TNS3: variants seen among roughly 807,000 people sequenced by gnomAD.
TNS3 encodes tensin 3.
TNS3 carries 45 observed loss-of-function variants against 140.9 expected under a neutral mutation model. That is an observed-to-expected ratio of 0.32 (90% CI 0.25 to 0.41). The LOEUF (loss-of-function observed/expected upper bound fraction) is 0.41, where lower values mean the gene tolerates loss of function less well. TNS3 is among the 10% of genes least tolerant of loss of function. The probability of loss-of-function intolerance (pLI) is 1.00; values close to 1 mark genes in which losing one functional copy is unlikely to be tolerated. For missense variants in TNS3, 1,716 were observed against 1,906.7 expected, an observed-to-expected ratio of 0.90 and a Z score of 1.86; for synonymous variants, 815 against 788.4, an observed-to-expected ratio of 1.03 and a Z score of -0.56.
At chr7:47,526,422 A>G (rs1158371090) in intron 2 of TNS3, among the ~76,000 whole-genome samples, 1 of 152,212 alleles carries the variant, frequency 6.6e-6, no homozygotes, top group African/African-American at 2.4e-5. Flanking sequence ...GGTTCCCTTC[A>G]GAGCAATCCT....
intron 13 of TNS3, among the ~76,000 whole-genome samples, chr7:47,404,030 C>T (rs78859629): frequency 0.13 from 20,541 of 152,188 alleles, 1,582 homozygotes; most frequent in African/African-American, 0.19. Flanking sequence ...ACCTGGGTCT[C>T]CCCAGAGTGT....
intron 17 of TNS3, among the ~76,000 whole-genome samples, chr7:47,348,769 C>G (rs1467032061): frequency 1.3e-5 from 2 of 152,202 alleles, no homozygotes; most frequent in African/African-American, 4.8e-5. Flanking sequence ...ACTCTGATCT[C>G]AGGCCTGAGG....
chr7:47,299,010 G>A (rs1786222110), intron 23 of TNS3, among the ~76,000 whole-genome samples: 1 of 152,236 alleles, frequency 6.6e-6, no homozygotes, highest in South Asian at 2.1e-4. Flanking sequence ...AGGGACCCAG[G>A]GCTGGGTGGG....
chr7:47,508,861 A>G lies in TNS3; in HGVS notation c.-152-1917T>C, dbSNP rs117734723. 3.7e-4 allele frequency among the ~76,000 whole-genome samples: 56 copies of G among 152,252 alleles called. No homozygotes were observed. In the East Asian group the frequency reaches 0.01, roughly 28 times the overall value. On this transcript the variant is annotated intron_variant, in intron 2 of 30. Coordinates refer to ENST00000311160, the MANE Select transcript of TNS3 (RefSeq NM_022748.12). Reference sequence around the variant, plus strand: ...GCCCTGTGGAGAGGCCCCCATGGAGAGGAACTGAGGCTTCCCACAAACAGC... The same window carrying G: ...GCCCTGTGGAGAGGCCCCCATGGAGGGGAACTGAGGCTTCCCACAAACAGC...
chr7:47,323,829 C>T (rs939977319), intron 20 of TNS3, among the ~76,000 whole-genome samples: 1 of 151,986 alleles, frequency 6.6e-6, no homozygotes, highest in Non-Finnish European at 1.5e-5. Context: ...GGGATATACT[C>T]AAAAATACTA....
chr7:47,522,015 C>T (rs193004122), intron 2 of TNS3, among the ~76,000 whole-genome samples: 1 of 152,232 alleles, frequency 6.6e-6, no homozygotes, highest in Non-Finnish European at 1.5e-5. Context: ...GGCCCAGCCT[C>T]CAGGAAGAAG....
intron 3 of TNS3, among the ~76,000 whole-genome samples, chr7:47,495,627 A>C (rs1797978465): frequency 6.6e-6 from 1 of 152,142 alleles, no homozygotes; most frequent in African/African-American, 2.4e-5. Context: ...ACAAGATCCC[A>C]CTGGGAACCT....
chr7:47,370,513 G>A (rs1375963867), intron 16 of TNS3, among the ~76,000 whole-genome samples: 1 of 152,230 alleles, frequency 6.6e-6, no homozygotes. Context: ...AGTGTGGGCA[G>A]GAAGGGCTGA....
intron 28 of TNS3, among the ~76,000 whole-genome samples, chr7:47,281,252 C>T (rs1562753908): frequency 1.3e-5 from 2 of 152,230 alleles, no homozygotes; most frequent in Non-Finnish European, 2.9e-5. Flanking sequence ...ACCTGACAGC[C>T]CTTAGTCACT....
intron 4 of TNS3, among the ~76,000 whole-genome samples, chr7:47,465,986 A>G (rs995330029): frequency 6.6e-6 from 1 of 151,984 alleles, no homozygotes; most frequent in African/African-American, 2.4e-5. Context: ...GAACATTTTA[A>G]TACATAGAAC....
chr7:47,488,324 T>C (rs913892560), intron 3 of TNS3, among the ~76,000 whole-genome samples: 24 of 152,162 alleles, frequency 1.6e-4, no homozygotes, highest in African/African-American at 5.8e-4. Context: ...TAAGCAACAG[T>C]CTTAGCTCGG....
At chr7:47,479,473 G>A (rs1480105195) in intron 4 of TNS3, among the ~76,000 whole-genome samples, 6 of 98,656 alleles carry the variant, frequency 6.1e-5, no homozygotes, top group Non-Finnish European at 1.0e-4. Context: ...GTCCCCCCAC[G>A]CCCCCTACTC....
chr7:47,428,202 G>A, intron 9 of TNS3, 110 bp downstream of exon 9: 2 of 719,290 alleles, frequency 2.8e-6, no homozygotes, highest in Non-Finnish European at 4.1e-6. Flanking sequence ...GGGAAACACA[G>A]GTCAGCCGAG....
intron 3 of TNS3, among the ~76,000 whole-genome samples, chr7:47,496,858 G>T (rs181246324): frequency 6.6e-6 from 1 of 152,214 alleles, no homozygotes; most frequent in African/African-American, 2.4e-5. Context: ...TCTGTGGGGT[G>T]AGCCAAGGCA....
At chr7:47,364,075 T>C (rs1054166642) in intron 17 of TNS3, among the ~76,000 whole-genome samples, 5 of 152,076 alleles carry the variant, frequency 3.3e-5, no homozygotes, top group East Asian at 1.9e-4. Flanking sequence ...ACCACACTTG[T>C]ACGCGTGTCC....
chr7:47,533,377 G>A (rs946178088), intron 1 of TNS3, among the ~76,000 whole-genome samples: 26 of 149,944 alleles, frequency 1.7e-4, no homozygotes, highest in African/African-American at 4.7e-4. Context: ...TGATCCATCC[G>A]CCTTGGCCTC....
At chr7:47,433,192 T>C (rs1795007726) in intron 8 of TNS3, among the ~76,000 whole-genome samples, 1 of 152,236 alleles carries the variant, frequency 6.6e-6, no homozygotes, top group African/African-American at 2.4e-5. Flanking sequence ...ATTCCTGGCA[T>C]GTGTGGAAGG....
chr7:47,522,644 C>A (rs561333379), intron 2 of TNS3, among the ~76,000 whole-genome samples: 6 of 152,276 alleles, frequency 3.9e-5, no homozygotes, highest in African/African-American at 1.4e-4. Context: ...TAAAGAGTTT[C>A]TAGGCCGGGC....
intron 17 of TNS3, among the ~76,000 whole-genome samples, chr7:47,366,638 T>C (rs1374494814): frequency 6.6e-6 from 1 of 152,172 alleles, no homozygotes; most frequent in Non-Finnish European, 1.5e-5. Context: ...GAGTCGGGAC[T>C]GCAGTCCTCA....
Sources: gnomAD v4.1 joint callset for allele counts (sites outside exome capture counted in the v4.1 genomes callset) on GRCh38, gnomAD v4.1.1 for gene constraint, MANE v1.5 for transcripts, NCBI Gene and HGNC (gene_info 2026-07-23, HGNC 2026-07-21) for gene names.